The following CCDC39 variants were observed in gnomAD, a reference collection of about 807,000 sequenced individuals.
The protein encoded by CCDC39 is coiled-coil domain-containing protein 39.
In CCDC39, 113 loss-of-function variants were observed where a neutral mutation model predicts 121.0. The observed-to-expected ratio is 0.93, with a 90% CI of 0.80 to 1.09. The LOEUF is 1.09. CCDC39 is among the 50% of genes least tolerant of loss of function. CCDC39 has a pLI of 0.00. For missense variants in CCDC39, 1,063 were observed against 1,074.7 expected (o/e 0.99, Z 0.15); for synonymous variants, 349 against 352.2 (o/e 0.99, Z 0.10).
intron 3 of CCDC39, among the ~76,000 whole-genome samples, chr3:180,661,101 C>T (rs1490270934): frequency 6.6e-6 from 1 of 151,940 alleles, no homozygotes; most frequent in Non-Finnish European, 1.5e-5. Flanking sequence ...GTTTGGTATG[C>T]TAACTCAAAT....
At chr3:180,636,152 G>A (rs184067496) in intron 13 of CCDC39, among the ~76,000 whole-genome samples, 1 of 152,282 alleles carries the variant, frequency 6.6e-6, no homozygotes, top group Non-Finnish European at 1.5e-5. Context: ...TAGGAAGAGA[G>A]GAAGTCAAAC....
rs1459456395 is a variant in CCDC39 at position 180,616,698 on chromosome 3, G to A, written c.2407-3C>T. On this transcript the variant is annotated splice_polypyrimidine_tract_variant and splice_region_variant and intron_variant, in intron 17 of 19. Coordinates refer to ENST00000476379, the MANE Select transcript of CCDC39 (RefSeq NM_181426.2). The stretch of plus-strand genomic sequence containing the variant: ...ATTTCCTTTGTGAGTTTTGCACACT[G>A]TTGGTAAATAATAGTCAATTATTCT... 6.3e-7 allele frequency: 1 copy of A among 1,584,286 alleles called. No individual in the cohort carries two copies. The highest frequency in any genetic ancestry group is 8.6e-7 in the Non-Finnish European group (1 of 1,163,556).
chr3:180,633,966 G>A (rs1033356546), intron 13 of CCDC39, among the ~76,000 whole-genome samples: 2 of 152,058 alleles, frequency 1.3e-5, no homozygotes, highest in Admixed American at 6.5e-5. Flanking sequence ...CCTCTGCCAC[G>A]ACCACAGCAG....
At position 180,648,186 on chromosome 3, in the gene CCDC39, C is replaced by G; in HGVS notation, c.1341G>C (p.Gln447His). 1 of 1,612,908 alleles carries G rather than the reference C, an allele frequency of 6.2e-7. No homozygotes were observed. The highest frequency in any genetic ancestry group is 8.5e-7 in the Non-Finnish European group (1 of 1,179,286). Residue 447 changes from glutamine (Q) to histidine (H), a missense_variant, in exon 10 of 20, where the codon CAG becomes CAC. Gln to His is a conservative substitution (Grantham distance 24). Coordinates refer to ENST00000476379, the MANE Select transcript of CCDC39 (RefSeq NM_181426.2). ...LQKLDFETLK[Q>H]QEIMYSQDFH... ...CTACCTGGCTGTACATAATTTCTTG[C>G]TGCTTCAAGGTTTCAAAATCCAGTT...
intron 6 of CCDC39, among the ~76,000 whole-genome samples, chr3:180,656,587 G>C (rs532487834): frequency 6.6e-6 from 1 of 152,160 alleles, no homozygotes; most frequent in Non-Finnish European, 1.5e-5. Flanking sequence ...GAGGAGCAGC[G>C]TTAACATAAG....
intron 15 of CCDC39, among the ~76,000 whole-genome samples, 178 bp from the exon 16 acceptor site, chr3:180,619,543 G>C (rs1453805865): frequency 6.6e-6 from 1 of 151,838 alleles, no homozygotes; most frequent in Non-Finnish European, 1.5e-5. Flanking sequence ...ACATAGAGCA[G>C]CAATATGCTG....
rs773186547 is a variant in CCDC39, at chr3:180,679,390, C to T, written c.-10G>A. ...GGAATTCGCTACTCATGACTGCAAACGGATAGAGAAGATACAGAGCAAAGA... is the reference window on the plus strand; with the variant it reads ...GGAATTCGCTACTCATGACTGCAAATGGATAGAGAAGATACAGAGCAAAGA... On this transcript the variant is annotated 5_prime_UTR_variant, in exon 1 of 20. Coordinates refer to ENST00000476379, the MANE Select transcript of CCDC39 (RefSeq NM_181426.2). The surrounding 1 kb of genome is among the most constrained non-coding windows in gnomAD (Gnocchi z 4.0). The T allele has an allele frequency of 2.5e-6, 4 of 1,612,066 alleles. No homozygotes were observed. Among genetic ancestry groups the T allele is most frequent in the African/African-American group, 2.7e-5 (2 of 74,822 alleles).
In CCDC39 at chr3:180,644,144, A is replaced by G; in HGVS notation, c.1641T>C (p.Leu547=). The G allele has an allele frequency of 6.5e-7, 1 of 1,545,354 alleles. No homozygotes were observed. The change falls in exon 12 of 20, where the codon CTT becomes CTC. Residue 547 remains leucine (L), a synonymous_variant. Coordinates refer to ENST00000476379, the MANE Select transcript of CCDC39 (RefSeq NM_181426.2). The part of the protein sequence containing the change: ...NLFIDRSEKE[L]DKAKGFKQDL... ...CCTGCTTAAAACCTTTGGCTTTATCAAGTTCTTTCTCTGATCTGTCGATGA... is the reference window on the plus strand; with the variant it reads ...CCTGCTTAAAACCTTTGGCTTTATCGAGTTCTTTCTCTGATCTGTCGATGA...
chr3:180,638,821 A>G (rs1455788543), intron 13 of CCDC39, among the ~76,000 whole-genome samples: 1 of 152,136 alleles, frequency 6.6e-6, no homozygotes, highest in Non-Finnish European at 1.5e-5. Flanking sequence ...AATAAAGAAA[A>G]GGCTAAACAA....
In CCDC39 at chr3:180,615,030, A is replaced by G. The variant is rs768191208; in HGVS notation, c.2717T>C (p.Val906Ala). 15 of 1,556,386 alleles carry G rather than the reference A, an allele frequency of 9.6e-6. No homozygotes were observed. Among genetic ancestry groups the G allele is most frequent in the Non-Finnish European group, 1.3e-5 (15 of 1,149,248 alleles). ...STSTSQSSIK[V>A]LELKFPASSS... is the part of the protein sequence containing the mutation. ...GGAGGCCGGGAATTTAAGCTCCAGT[A>G]CTTTAATTGAAGACTGAGAAGTAGA... Residue 906 changes from valine to alanine, a missense_variant, in exon 20 of 20, where the codon GTA becomes GCA. Physicochemically the swap from Val to Ala is moderately conservative, Grantham distance 64. Transcript: ENST00000476379.
chr3:180,675,247 G>C (rs950366793), intron 1 of CCDC39, among the ~76,000 whole-genome samples: 1 of 152,152 alleles, frequency 6.6e-6, no homozygotes, highest in Admixed American at 6.5e-5. Context: ...ATTTCTTCTA[G>C]ATTTTCTAGT....
chr3:180,616,467 T>C (rs776029443), intron 18 of CCDC39, 49 bp downstream of exon 18: 35 of 1,500,106 alleles, frequency 2.3e-5, no homozygotes, highest in Admixed American at 4.7e-5. Context: ...TGAAAGTTTT[T>C]ATTTTCATGA....
Position 180,616,823 on chromosome 3 carries a change from T to TA in CCDC39, c.2406+2dup, listed in dbSNP as rs778375693. On this transcript the variant is annotated splice_region_variant and intron_variant, in intron 17 of 19. Transcript: ENST00000476379. ...AAGGTCAGTTTTTAAAAGATATCGA[T>TA]ACCTGTTTGGTCACTCTTTCTAATT... 1.9e-6 allele frequency: 3 copies of TA among 1,609,572 alleles called. No individual in the cohort carries two copies. The highest frequency in any genetic ancestry group is 2.2e-5 in the South Asian group (2 of 90,546).
intron 2 of CCDC39, 33 bp downstream of exon 2, chr3:180,663,834 C>G: frequency 6.2e-7 from 1 of 1,602,608 alleles, no homozygotes; most frequent in Non-Finnish European, 8.5e-7. Flanking sequence ...CATGACTACA[C>G]GATATAATCA....
chr3:180,628,985 A>T (rs955727313), intron 14 of CCDC39, among the ~76,000 whole-genome samples: 8 of 152,262 alleles, frequency 5.3e-5, no homozygotes, highest in Non-Finnish European at 8.8e-5. Context: ...CAACAAACAG[A>T]ATCCACTACG....
At position 180,648,274 on chromosome 3, in the gene CCDC39, G is replaced by C. The variant is rs761160655; in HGVS notation, c.1253C>G (p.Ala418Gly). The C allele has an allele frequency of 3.1e-6, 5 of 1,613,112 alleles. No homozygotes were observed. The highest frequency in any genetic ancestry group is 4.2e-6 in the Non-Finnish European group (5 of 1,179,444). ...ELQTETMKEK[A>G]VLSEIEGTRS... ...AGTTCCTTCAATTTCTGATAAAACAGCTTTTTCTTTCATTGTCTCAGTCTG... is the reference window on the plus strand; with the variant it reads ...AGTTCCTTCAATTTCTGATAAAACACCTTTTTCTTTCATTGTCTCAGTCTG... The change falls in exon 10 of 20, where the codon GCT becomes GGT. Residue 418 changes from alanine to glycine, a missense_variant. By Grantham distance (60) the Ala-to-Gly change is moderately conservative. Coordinates refer to ENST00000476379, the MANE Select transcript of CCDC39 (RefSeq NM_181426.2).
intron 1 of CCDC39, among the ~76,000 whole-genome samples, chr3:180,670,841 G>A (rs1035961265): frequency 6.6e-6 from 1 of 152,116 alleles, no homozygotes; most frequent in Admixed American, 6.6e-5. Flanking sequence ...AGGGATGAAG[G>A]GGAAGCAGCT....
At chr3:180,637,882 T>G (rs546580003) in intron 13 of CCDC39, among the ~76,000 whole-genome samples, 3 of 151,962 alleles carry the variant, frequency 2.0e-5, no homozygotes, top group Non-Finnish European at 4.4e-5. Context: ...AAATGATAAC[T>G]CATGGACACA....
chr3:180,668,766 T>C (rs915660432), intron 1 of CCDC39, among the ~76,000 whole-genome samples: 2 of 152,236 alleles, frequency 1.3e-5, no homozygotes, highest in Admixed American at 6.5e-5. Context: ...AAGAAGCATA[T>C]GCATTTTGTT....
Sources: gnomAD v4.1 joint callset for allele counts (sites outside exome capture counted in the v4.1 genomes callset) on GRCh38, gnomAD v4.1.1 for gene constraint, Gnocchi (gnomAD v3.1) non-coding constraint, MANE v1.5 for transcripts, NCBI Gene and HGNC (gene_info 2026-07-23, HGNC 2026-07-21) for gene names.